Variants in FLT1 observed in about 807,000 individuals in gnomAD.
FLT1 encodes fms related receptor tyrosine kinase 1.
FLT1 carries 49 observed loss-of-function variants against 156.3 expected under a neutral mutation model. That is an observed-to-expected ratio of 0.31 (90% CI 0.25 to 0.40). The LOEUF (loss-of-function observed/expected upper bound fraction) is 0.40. FLT1 is among the 10% of genes least tolerant of loss of function. The pLI, the probability that FLT1 is intolerant of heterozygous loss-of-function variation, is 1.00. For synonymous variants in FLT1, 594 were observed against 583.8 expected (o/e 1.02, Z -0.25); for missense variants, 1,322 against 1,637.2 (o/e 0.81, Z 3.32).
At chr13:28,462,640 C>G (rs950017802) in intron 3 of FLT1, among the ~76,000 whole-genome samples, 1 of 152,172 alleles carries the variant, frequency 6.6e-6, no homozygotes, top group Non-Finnish European at 1.5e-5. Flanking sequence ...AATGATGGTG[C>G]CTTTGCATCA....
intron 1 of FLT1, among the ~76,000 whole-genome samples, chr13:28,473,796 AAG>A (rs1175879444): frequency 1.5e-4 from 19 of 126,138 alleles, no homozygotes; most frequent in African/African-American, 4.6e-4. Flanking sequence ...GAAAGAAAGA[AAG>A]AAAGAAAGAA....
At chr13:28,436,970 C>A (rs529740417) in intron 4 of FLT1, among the ~76,000 whole-genome samples, 1 of 152,300 alleles carries the variant, frequency 6.6e-6, no homozygotes, top group Non-Finnish European at 1.5e-5. Context: ...CAATGTGGCA[C>A]CAGCCTCTGC....
At chr13:28,309,943 G>A (rs1392369397) in intron 27 of FLT1, among the ~76,000 whole-genome samples, 1 of 133,080 alleles carries the variant, frequency 7.5e-6, no homozygotes, top group Non-Finnish European at 1.5e-5. Flanking sequence ...AGGCTGGAGT[G>A]CAGTGGCACG....
At chr13:28,378,050 C>CTTTTTT (rs869039457) in intron 14 of FLT1, among the ~76,000 whole-genome samples, 1 of 136,166 alleles carries the variant, frequency 7.3e-6, no homozygotes, top group African/African-American at 2.7e-5. Flanking sequence ...GAGACTTAAT[C>CTTTTTT]TTTTTTTTTT....
chr13:28,387,983 G>C lies in FLT1; in HGVS notation c.1969+1813C>G, dbSNP rs972170963. On this transcript the variant is annotated intron_variant, in intron 13 of 29. Transcript: ENST00000282397. ...GGGAAGGAAATGGTAGGTTCTGCAT[G>C]TCCAATTCACCATTTTGTTTTCATA... is the stretch of plus-strand genomic sequence containing the variant. 3.8e-6 allele frequency: 4 copies of C among 1,060,250 alleles called. No individual in the cohort carries two copies. In the African/African-American group the frequency reaches 6.6e-5, roughly 17 times the overall value. The allele number at this position is 1,060,250 out of a possible 1,614,324, so 65.7% of individuals were successfully genotyped here. A position where few individuals can be genotyped will look rare whatever the true frequency, so the allele number is the denominator to read the frequency against.
At chr13:28,332,975 A>G (rs549720208) in intron 18 of FLT1, among the ~76,000 whole-genome samples, 1 of 152,344 alleles carries the variant, frequency 6.6e-6, no homozygotes, top group East Asian at 1.9e-4. Context: ...AAAAGTTCTG[A>G]CTTGTGGATA....
intron 3 of FLT1, among the ~76,000 whole-genome samples, chr13:28,443,568 T>C (rs1878449686): frequency 6.6e-6 from 1 of 152,222 alleles, no homozygotes; most frequent in East Asian, 1.9e-4. Flanking sequence ...TTTCTTTTAA[T>C]TGCATTTTTA....
chr13:28,458,057 C>T (rs1168455254), intron 3 of FLT1, among the ~76,000 whole-genome samples: 1 of 151,296 alleles, frequency 6.6e-6, no homozygotes, highest in Non-Finnish European at 1.5e-5. Flanking sequence ...GCCTCAGCCT[C>T]CCGAGTAGCT....
In FLT1 at chr13:28,479,875, A is replaced by C. The variant is rs1405321837; in HGVS notation, c.65-12258T>G. 2.0e-5 allele frequency among the ~76,000 whole-genome samples: 3 copies of C among 152,240 alleles called. No homozygotes were observed. The East Asian group carries it at 5.8e-4, about 29-fold the overall frequency. On this transcript the variant is annotated intron_variant, in intron 1 of 29. Coordinates refer to ENST00000282397, the MANE Select transcript of FLT1 (RefSeq NM_002019.4). Reference sequence around the variant, plus strand: ...TTATATCTCTGATAGAAGAAAAACAACAATTTCTGTTATCAGTTGGCCACC... The same window carrying C: ...TTATATCTCTGATAGAAGAAAAACACCAATTTCTGTTATCAGTTGGCCACC...
intron 25 of FLT1, among the ~76,000 whole-genome samples, chr13:28,315,528 C>A (rs1252935722): frequency 6.6e-6 from 1 of 152,142 alleles, no homozygotes; most frequent in South Asian, 2.1e-4. Context: ...TGCACTCTAG[C>A]CTGGACAACA....
intron 20 of FLT1, among the ~76,000 whole-genome samples, chr13:28,325,046 T>C (rs1352095709): frequency 6.6e-6 from 1 of 152,218 alleles, no homozygotes; most frequent in African/African-American, 2.4e-5. Context: ...GGTTTTGCCT[T>C]TCCTTTACCT....
chr13:28,425,734 T>A (rs1035391881), intron 10 of FLT1, among the ~76,000 whole-genome samples: 5 of 152,220 alleles, frequency 3.3e-5, no homozygotes, highest in Admixed American at 6.5e-5. Context: ...ATTTAGTTTT[T>A]TTTTTATTTA....
intron 1 of FLT1, 42 bp from the exon 2 acceptor site, chr13:28,467,659 T>G (rs775185023): frequency 5.6e-5 from 61 of 1,096,426 alleles, no homozygotes; most frequent in Middle Eastern, 2.8e-4. Context: ...GTAAATTGTC[T>G]TCTTACCTTT....
chr13:28,374,058 T>C (rs144715907), intron 14 of FLT1, among the ~76,000 whole-genome samples: 153 of 152,278 alleles, frequency 1.0e-3, no homozygotes, highest in African/African-American at 3.1e-3. Context: ...TTAATGGGCA[T>C]GGGATTTCCG....
At chr13:28,403,162 T>C (rs1042745227) in intron 11 of FLT1, among the ~76,000 whole-genome samples, 1 of 151,770 alleles carries the variant, frequency 6.6e-6, no homozygotes, top group East Asian at 1.9e-4. Flanking sequence ...ATTAGTTCTG[T>C]TTTTTTTGGA....
intron 12 of FLT1, among the ~76,000 whole-genome samples, chr13:28,390,559 C>T (rs1250756959): frequency 1.3e-5 from 2 of 152,068 alleles, no homozygotes; most frequent in African/African-American, 2.4e-5. Flanking sequence ...CCACGCTGGG[C>T]TAATTTTTGT....
Position 28,322,714 on chromosome 13 carries a change from A to C in FLT1, c.2953+76T>G. On this transcript the variant is annotated intron_variant, in intron 21 of 29. Coordinates refer to ENST00000282397, the MANE Select transcript of FLT1 (RefSeq NM_002019.4). This position sits in a 1 kb window ranked among gnomAD's most constrained non-coding sequence, Gnocchi z 4.3. Reference sequence around the variant, plus strand: ...CGGATGTTTATTAGAGTGATAAATAAGAAAAAAATTTCAGAGATGCATAGT... The same window carrying C: ...CGGATGTTTATTAGAGTGATAAATACGAAAAAAATTTCAGAGATGCATAGT... 1 of 1,404,232 alleles carries C rather than the reference A, an allele frequency of 7.1e-7. No individual in the cohort carries two copies. Among genetic ancestry groups the C allele is most frequent in the South Asian group, 1.2e-5 (1 of 86,726 alleles). The allele number at this position is 1,404,232 out of a possible 1,614,324, so 87.0% of individuals were successfully genotyped here. A position where few individuals can be genotyped will look rare whatever the true frequency, so the allele number is the denominator to read the frequency against.
intron 15 of FLT1, among the ~76,000 whole-genome samples, chr13:28,355,760 AC>A (rs1872876477): frequency 6.6e-6 from 1 of 152,222 alleles, no homozygotes; most frequent in African/African-American, 2.4e-5. Context: ...GGAAGGCCCC[AC>A]GGTGCTGCTG....
chr13:28,477,714 T>G (rs1172204166), intron 1 of FLT1, among the ~76,000 whole-genome samples: 1 of 152,210 alleles, frequency 6.6e-6, no homozygotes, highest in Non-Finnish European at 1.5e-5. Context: ...CACTTTTACA[T>G]TTGAAGCATA....
Sources: allele counts gnomAD v4.1 joint callset (sites outside exome capture counted in the v4.1 genomes callset), GRCh38; gene constraint gnomAD v4.1.1; non-coding constraint Gnocchi (gnomAD v3.1); transcripts MANE v1.5; gene names NCBI Gene and HGNC (gene_info 2026-07-23, HGNC 2026-07-21).